The following TAB3 variants were observed in gnomAD, a reference collection of about 807,000 sequenced individuals.
TAB3 encodes TGF-beta activated kinase 1 (MAP3K7) binding protein 3, also known as TGF-beta-activated kinase 1 and MAP3K7-binding protein 3.
In TAB3, 18 loss-of-function variants were observed where a neutral mutation model predicts 48.1. The observed-to-expected ratio is 0.37, with a 90% CI of 0.26 to 0.55. The LOEUF (loss-of-function observed/expected upper bound fraction) is 0.55, where lower values mean the gene tolerates loss of function less well. Among genes scored for constraint, TAB3 ranks in the 20% least tolerant of loss-of-function variants. The pLI, the probability that TAB3 is intolerant of heterozygous loss-of-function variation, is 0.78. For synonymous variants in TAB3, 185 were observed against 190.2 expected, an observed-to-expected ratio of 0.97 and a Z score of 0.22; for missense variants, 414 against 549.8, an observed-to-expected ratio of 0.75 and a Z score of 2.47.
intron 7 of TAB3, among the ~76,000 whole-genome samples, chrX:30,850,998 C>T (rs180913833): frequency 1.4e-3 from 158 of 111,695 alleles, no homozygotes; most frequent in African/African-American, 4.6e-3. Flanking sequence ...CCAACTACTA[C>T]GGGTGGATTC....
chrX:30,854,719 A>G lies in TAB3; in HGVS notation c.946T>C (p.Leu316=). ...SPQHQVQPSQ[L]GHIFMPPSPS... is the part of the protein sequence containing the mutation. ...CTAGGTGGCATAAAGATGTGGCCCA[A>G]CTGGGAAGGTTGCACTTGATGCTGT... The change falls in exon 6 of 11, where the codon TTG becomes CTG. Residue 316 remains leucine (L), a synonymous_variant. Coordinates refer to ENST00000288422, the MANE Select transcript of TAB3 (RefSeq NM_152787.5). 1 of 1,211,646 alleles carries G rather than the reference A, an allele frequency of 8.3e-7. No individual in the cohort carries two copies. Among genetic ancestry groups the G allele is most frequent in the Non-Finnish European group, 1.1e-6 (1 of 895,489 alleles).
intron 4 of TAB3, among the ~76,000 whole-genome samples, chrX:30,861,623 A>C (rs1439190483): frequency 2.7e-5 from 3 of 111,747 alleles, no homozygotes; most frequent in Non-Finnish European, 5.6e-5. Context: ...TGAATTATCT[A>C]TCTTCCATTT....
chrX:30,834,470 G>T (rs1361822429), intron 9 of TAB3, among the ~76,000 whole-genome samples: 1 of 111,695 alleles, frequency 9.0e-6, no homozygotes, highest in Non-Finnish European at 1.9e-5. Flanking sequence ...AATAAATGTC[G>T]ATGTGAAAGC....
intron 7 of TAB3, among the ~76,000 whole-genome samples, chrX:30,849,020 C>T (rs779052009): frequency 1.8e-5 from 2 of 111,705 alleles, no homozygotes; most frequent in South Asian, 7.4e-4. Context: ...TCCCCCTCCT[C>T]CTTGAAACTG....
chrX:30,883,341 G>A (rs1257611799), intron 1 of TAB3, among the ~76,000 whole-genome samples: 1 of 111,849 alleles, frequency 8.9e-6, no homozygotes, highest in Admixed American at 9.4e-5. Context: ...ACTCACTCAT[G>A]GGTCAGATGC....
intron 4 of TAB3, among the ~76,000 whole-genome samples, chrX:30,864,374 G>A (rs1431981580): frequency 1.8e-5 from 2 of 112,186 alleles, no homozygotes; most frequent in Non-Finnish European, 3.8e-5. Context: ...AGACTATGGG[G>A]CCCAGATGCT....
chrX:30,860,342 A>C (rs924478147), intron 4 of TAB3, among the ~76,000 whole-genome samples: 1 of 111,957 alleles, frequency 8.9e-6, no homozygotes, highest in African/African-American at 3.2e-5. Flanking sequence ...ATCTGGATGA[A>C]GAGTAGGAAA....
At chrX:30,876,271 A>G (rs751105137) in intron 1 of TAB3, among the ~76,000 whole-genome samples, 1 of 111,851 alleles carries the variant, frequency 8.9e-6, no homozygotes, top group South Asian at 3.7e-4. Flanking sequence ...AAAAACTATC[A>G]TCCTTGGTTT....
intron 1 of TAB3, among the ~76,000 whole-genome samples, chrX:30,875,486 T>TC (rs1177655137): frequency 6.3e-5 from 7 of 111,436 alleles, no homozygotes; most frequent in East Asian, 2.8e-4. Flanking sequence ...TTTTTTTTTT[T>TC]CCTATTTCAC....
chrX:30,832,096 CAA>C (rs1474100336), intron 10 of TAB3, among the ~76,000 whole-genome samples: 1 of 111,958 alleles, frequency 8.9e-6, no homozygotes, highest in African/African-American at 3.2e-5. Context: ...CAGTTCATAC[CAA>C]AGTTTTCCTC....
intron 5 of TAB3, among the ~76,000 whole-genome samples, chrX:30,856,194 A>G (rs1463659638): frequency 8.9e-6 from 1 of 112,016 alleles, no homozygotes; most frequent in African/African-American, 3.2e-5. Context: ...AAAAAAGTCC[A>G]TAACTTGAAC....
intron 7 of TAB3, 109 bp from the exon 8 acceptor site, chrX:30,846,753 C>T (rs771079561): frequency 3.9e-5 from 18 of 466,439 alleles, no homozygotes; most frequent in South Asian, 3.3e-4. Flanking sequence ...ACCAAGAATA[C>T]GGCCTTAGTC....
At chrX:30,860,974 GTACA>G (rs768632797) in intron 4 of TAB3, among the ~76,000 whole-genome samples, 7 of 112,050 alleles carry the variant, frequency 6.2e-5, no homozygotes, top group South Asian at 3.7e-4. Flanking sequence ...ATGTACATGT[GTACA>G]TACAAACATG....
chrX:30,858,902 A>C (rs1939159486), intron 5 of TAB3, among the ~76,000 whole-genome samples: 1 of 111,701 alleles, frequency 9.0e-6, no homozygotes, highest in Non-Finnish European at 1.9e-5. Context: ...TTACATTTAA[A>C]ATTAGATATC....
rs1005618232 is a variant in TAB3 at position 30,830,465 on chromosome X, GC to G, written c.*961del. 2.7e-5 allele frequency: 3 copies of G among 111,405 alleles called. No homozygotes were observed. The highest frequency in any genetic ancestry group is 9.8e-5 in the African/African-American group (3 of 30,575). 9.2% of individuals were successfully genotyped at this position (111,405 alleles called of 1,213,427 possible). A position where few individuals can be genotyped will look rare whatever the true frequency, so the allele number is the denominator to read the frequency against. ...ACAAAATTGGAAGGAAAAAAAAAAG[GC>G]CCTATGGACTGCAAAAGTTTAAGAA... On this transcript the variant is annotated 3_prime_UTR_variant, in exon 11 of 11. Transcript: ENST00000288422.
At chrX:30,867,754 C>T (rs1939455225) in intron 2 of TAB3, among the ~76,000 whole-genome samples, 2 of 110,824 alleles carry the variant, frequency 1.8e-5, no homozygotes, top group East Asian at 2.8e-4. Flanking sequence ...TCTACAGCAA[C>T]TAAATTCTAC....
intron 1 of TAB3, among the ~76,000 whole-genome samples, chrX:30,883,503 G>A (rs1000082522): frequency 3.6e-5 from 4 of 111,350 alleles, no homozygotes; most frequent in Non-Finnish European, 7.5e-5. Flanking sequence ...CAGTCCATGC[G>A]CTTAACCACT....
In TAB3 at chrX:30,834,147, A is replaced by C. The variant is rs755002725; in HGVS notation, c.1894T>G (p.Ser632Ala). 8.3e-7 allele frequency: 1 copy of C among 1,208,088 alleles called. No individual in the cohort carries two copies. Among genetic ancestry groups the C allele is most frequent in the Non-Finnish European group, 1.1e-6 (1 of 892,737 alleles). The change falls in exon 10 of 11, where the codon TCA becomes GCA. Residue 632 changes from serine (S) to alanine (A), a missense_variant. Ser to Ala is a moderately conservative substitution (Grantham distance 99, BLOSUM62 1). Transcript: ENST00000288422. ...TTTCTCTCAATTGTGCAGGGGTCTG[A>C]GGAGTCTGCATAAAAATAAACAACG... ...VPPKPSKKDS[S>A]DPCTIERKAR... is the part of the protein sequence containing the mutation.
At chrX:30,879,123 C>G (rs916737295) in intron 1 of TAB3, among the ~76,000 whole-genome samples, 4 of 111,799 alleles carry the variant, frequency 3.6e-5, no homozygotes, top group Non-Finnish European at 7.5e-5. Flanking sequence ...AATAGAAACA[C>G]TTGAAGAATA....
Sources: gnomAD v4.1 joint callset for allele counts (sites outside exome capture counted in the v4.1 genomes callset) on GRCh38, gnomAD v4.1.1 for gene constraint, MANE v1.5 for transcripts, NCBI Gene and HGNC (gene_info 2026-07-23, HGNC 2026-07-21) for gene names.